The following LMAN2 variants were observed in gnomAD, a reference collection of about 807,000 sequenced individuals.
LMAN2 encodes vesicular integral-membrane protein VIP36.
Under a neutral mutation model 39.3 loss-of-function variants are expected in LMAN2, and 22 were observed. The observed-to-expected ratio is 0.56, with a 90% CI of 0.40 to 0.80. The LOEUF (loss-of-function observed/expected upper bound fraction) is 0.80, where lower values mean the gene tolerates loss of function less well. LMAN2 is among the 30% of genes least tolerant of loss of function. The pLI is 0.00. For synonymous variants in LMAN2, 207 were observed against 207.8 expected, an observed-to-expected ratio of 1.00 and a Z score of 0.03; for missense variants, 494 against 505.4, an observed-to-expected ratio of 0.98 and a Z score of 0.22.
chr5:177,346,933 C>T (rs1252829585), intron 2 of LMAN2, among the ~76,000 whole-genome samples: 2 of 152,164 alleles, frequency 1.3e-5, no homozygotes, highest in East Asian at 3.8e-4. Context: ...CTGGGAAGCT[C>T]AGAAAGCAAG....
chr5:177,338,494 C>T lies in LMAN2; in HGVS notation c.427G>A (p.Val143Met), dbSNP rs767386223. ...TGAGCGAACACCAGCCCACCTGGCA[C>T]GAGGCGGTCCCGGGTGTACCACAAG... is the stretch of plus-strand genomic sequence containing the variant. ...IALWYTRDRL[V>M]PGPVFGSKDN... The change falls in exon 3 of 8, where the codon GTG becomes ATG. Residue 143 changes from valine (V) to methionine (M), a missense_variant. Physicochemically the swap from Val to Met is conservative, Grantham distance 21 (BLOSUM62 1). Coordinates refer to ENST00000303127, the MANE Select transcript of LMAN2 (RefSeq NM_006816.3). The T allele has an allele frequency of 1.2e-5, 20 of 1,613,786 alleles. No homozygotes were observed. Among genetic ancestry groups the T allele is most frequent in the East Asian group, 4.5e-5 (2 of 44,896 alleles).
At position 177,337,897 on chromosome 5, in the gene LMAN2, G is replaced by T; in HGVS notation, c.434-112C>A. ...GGGGGCAAGAGAGCCCAACCCACTG[G>T]CCATTCACCGAGAGAGAAGGGATCG... On this transcript the variant is annotated intron_variant, in intron 3 of 7. Coordinates refer to ENST00000303127, the MANE Select transcript of LMAN2 (RefSeq NM_006816.3). The surrounding 1 kb of genome is among the most constrained non-coding windows in gnomAD (Gnocchi z 8.2). 1 of 832,880 alleles carries T rather than the reference G, an allele frequency of 1.2e-6. No homozygotes were observed. The highest frequency in any genetic ancestry group is 2.0e-6 in the Non-Finnish European group (1 of 505,654). The allele number at this position is 832,880 out of a possible 1,614,324, so 51.6% of individuals were successfully genotyped here.
intron 2 of LMAN2, among the ~76,000 whole-genome samples, chr5:177,338,894 G>A (rs1761513581): frequency 6.6e-6 from 1 of 152,360 alleles, no homozygotes; most frequent in South Asian, 2.1e-4. Flanking sequence ...AGTAGGTTTA[G>A]GTGGCTGCCA....
chr5:177,347,281 G>T (rs1761650250), intron 2 of LMAN2, among the ~76,000 whole-genome samples: 1 of 152,098 alleles, frequency 6.6e-6, no homozygotes, highest in Non-Finnish European at 1.5e-5. Flanking sequence ...AGTGAGGGAG[G>T]TGGGAAAGGA....
intron 2 of LMAN2, among the ~76,000 whole-genome samples, chr5:177,345,656 C>T (rs1761624580): frequency 6.6e-6 from 1 of 152,140 alleles, no homozygotes; most frequent in South Asian, 2.1e-4. Flanking sequence ...GTGGTCTGCC[C>T]GCTCCTGCTC....
At chr5:177,333,560 G>A (rs1761422471) in intron 7 of LMAN2, among the ~76,000 whole-genome samples, 1 of 152,186 alleles carries the variant, frequency 6.6e-6, no homozygotes, top group Admixed American at 6.5e-5. Context: ...GCAGAAACAC[G>A]CGGCCAAACT....
chr5:177,351,605 G>A lies in LMAN2; in HGVS notation c.43C>T (p.Arg15Trp), dbSNP rs1422413219. Residue 15 changes from arginine (R) to tryptophan (W), a missense_variant, in exon 1 of 8, where the codon CGG (arginine) becomes TGG (tryptophan). Arg to Trp is a moderately radical substitution (Grantham distance 101). Coordinates refer to ENST00000303127, the MANE Select transcript of LMAN2 (RefSeq NM_006816.3). The stretch of plus-strand genomic sequence containing the variant: ...AGAAGCCCAGGCCTTCCCAGGCACC[G>A]CCGGCCCCAGCCCCAACGCCAAATC... ...GWIWRWGWGR[R>W]CLGRPGLLGP... 2.5e-6 allele frequency: 4 copies of A among 1,607,986 alleles called. No homozygotes were observed. The highest frequency in any genetic ancestry group is 3.4e-6 in the Non-Finnish European group (4 of 1,177,994).
chr5:177,337,206 A>G lies in LMAN2; in HGVS notation c.720T>C (p.Ile240=), dbSNP rs768257371. 2.5e-6 allele frequency: 4 copies of G among 1,614,032 alleles called. No individual in the cohort carries two copies. The South Asian group carries it at 4.4e-5, about 18-fold the overall frequency. Residue 240 remains isoleucine (I), a synonymous_variant, in exon 6 of 8, where the codon ATT becomes ATC. Transcript: ENST00000303127. This position sits in a 1 kb window ranked among gnomAD's most constrained non-coding sequence, Gnocchi z 8.2. ...LEDKNEWKNC[I]DITGVRLPTG... The stretch of plus-strand genomic sequence containing the variant: ...TGGGCAGGCGCACTCCCGTGATGTC[A>G]ATGCAGTTCTTCCACTCGTTCTTGT...
rs1761496388 is a variant in LMAN2, at chr5:177,337,724, G to A, written c.495C>T (p.Pro165=). Residue 165 remains proline (P), a synonymous_variant, in exon 4 of 8, where the codon CCC becomes CCT. Transcript: ENST00000303127. This position sits in a 1 kb window ranked among gnomAD's most constrained non-coding sequence, Gnocchi z 8.2. ...GGCCTACCTCAGTGGTCTCATCATT[G>A]GGGTAGGTGTCCAGGAAGATGGCTA... is the stretch of plus-strand genomic sequence containing the variant. ...HGLAIFLDTY[P]NDETTERVFP... The A allele has an allele frequency of 2.5e-6, 4 of 1,614,022 alleles. No homozygotes were observed. Among genetic ancestry groups the A allele is most frequent in the Non-Finnish European group, 3.4e-6 (4 of 1,179,982 alleles).
chr5:177,339,295 G>A (rs931808531), intron 2 of LMAN2, among the ~76,000 whole-genome samples: 2 of 152,210 alleles, frequency 1.3e-5, no homozygotes, highest in Admixed American at 6.5e-5. Flanking sequence ...AAATCAGGCC[G>A]GGTCAGTGCT....
At chr5:177,348,781 G>C (rs1253218560) in intron 2 of LMAN2, among the ~76,000 whole-genome samples, 1 of 150,922 alleles carries the variant, frequency 6.6e-6, no homozygotes, top group Non-Finnish European at 1.5e-5. Flanking sequence ...CTACTCAGGG[G>C]GCTGAGGCAG....
In LMAN2 at chr5:177,351,295, T is replaced by A; in HGVS notation, c.197-4A>T. The A allele has an allele frequency of 1.2e-6, 2 of 1,613,716 alleles. No homozygotes were observed. Among genetic ancestry groups the A allele is most frequent in the Non-Finnish European group, 8.5e-7 (1 of 1,179,994 alleles). ...GGCATAGAGCTGGAACCGACCCCTG[T>A]GGGAAGAGACAGGTGCTAAGAGGCC... On this transcript the variant is annotated splice_polypyrimidine_tract_variant and splice_region_variant and intron_variant, in intron 1 of 7. Transcript: ENST00000303127.
At chr5:177,336,408 G>A (rs896921446) in intron 6 of LMAN2, among the ~76,000 whole-genome samples, 1 of 152,220 alleles carries the variant, frequency 6.6e-6, no homozygotes, top group Non-Finnish European at 1.5e-5. Flanking sequence ...GGCTGAAGGC[G>A]ATTACTGAAG....
intron 2 of LMAN2, among the ~76,000 whole-genome samples, chr5:177,343,312 T>G (rs1761584781): frequency 6.6e-6 from 1 of 152,148 alleles, no homozygotes; most frequent in Non-Finnish European, 1.5e-5. Flanking sequence ...GGAATCCTTG[T>G]GCATTGCTGG....
chr5:177,340,849 G>A (rs985076183), intron 2 of LMAN2, among the ~76,000 whole-genome samples: 3 of 151,494 alleles, frequency 2.0e-5, no homozygotes, highest in African/African-American at 7.3e-5. Context: ...CTGCCTCCCG[G>A]GTTCACGCCA....
At chr5:177,335,106 G>C (rs1007542693) in intron 6 of LMAN2, among the ~76,000 whole-genome samples, 1 of 152,216 alleles carries the variant, frequency 6.6e-6, no homozygotes, top group Non-Finnish European at 1.5e-5. Flanking sequence ...CCTGGGACTG[G>C]AATCTGAGGA....
intron 2 of LMAN2, among the ~76,000 whole-genome samples, chr5:177,349,148 T>C (rs1016627610): frequency 2.0e-5 from 3 of 152,094 alleles, no homozygotes; most frequent in Non-Finnish European, 4.4e-5. Context: ...CCCCAGGTCC[T>C]ATGCTGCAGC....
chr5:177,334,466 A>C, intron 6 of LMAN2, 63 bp from the exon 7 acceptor site: 1 of 1,547,292 alleles, frequency 6.5e-7, no homozygotes. Flanking sequence ...GTGGCCCAAG[A>C]CCCTCCCACA....
At chr5:177,336,428 C>T (rs1052214789) in intron 6 of LMAN2, among the ~76,000 whole-genome samples, 9 of 152,174 alleles carry the variant, frequency 5.9e-5, no homozygotes, top group African/African-American at 9.7e-5. Flanking sequence ...GGCGATTACA[C>T]GGCTGCTGTG....
Sources: allele counts gnomAD v4.1 joint callset (sites outside exome capture counted in the v4.1 genomes callset), GRCh38; gene constraint gnomAD v4.1.1; non-coding constraint Gnocchi (gnomAD v3.1); transcripts MANE v1.5; gene names NCBI Gene and HGNC (gene_info 2026-07-23, HGNC 2026-07-21).